CYREN: variants seen among roughly 807,000 people sequenced by gnomAD.
CYREN encodes cell cycle regulator of NHEJ, also known as cell cycle regulator of non-homologous end joining.
CYREN carries 7 observed loss-of-function variants against 9.7 expected under a neutral mutation model. The observed-to-expected ratio is 0.72, with a 90% CI of 0.41 to 1.36. CYREN has a LOEUF of 1.36. CYREN is among the 40% of genes most tolerant of loss of function. The pLI is 0.01. For missense variants in CYREN, 215 were observed against 198.1 expected, an observed-to-expected ratio of 1.09 and a Z score of -0.51; for synonymous variants, 76 against 77.9, an observed-to-expected ratio of 0.98 and a Z score of 0.13.
In CYREN at chr7:135,151,315, C is replaced by A. The variant is rs1252018130; in HGVS notation, n.356+17434G>T. On this transcript the variant is annotated intron_variant and non_coding_transcript_variant, in intron 2 of 2. Coordinates refer to the CYREN transcript ENST00000459937. This position sits in a 1 kb window ranked among gnomAD's most constrained non-coding sequence, Gnocchi z 4.3. ...ATTAGAACCTGGACTCATGTTTCTA[C>A]CAAAGGAAATATGACACATTTCCCT... Among the ~76,000 whole-genome samples the A allele has an allele frequency of 2.0e-5, 3 of 152,188 alleles. No homozygotes were observed. Among genetic ancestry groups the A allele is most frequent in the African/African-American group, 7.2e-5 (3 of 41,446 alleles).
chr7:135,166,562 G>A lies in CYREN; in HGVS notation c.*49C>T. 1.3e-6 allele frequency: 2 copies of A among 1,527,122 alleles called. No homozygotes were observed. The highest frequency in any genetic ancestry group is 1.8e-6 in the Non-Finnish European group (2 of 1,139,346). The allele number at this position is 1,527,122 out of a possible 1,614,324, so 94.6% of individuals were successfully genotyped here. A position where few individuals can be genotyped will look rare whatever the true frequency, so the allele number is the denominator to read the frequency against. ...GCCCAGCAGCACCAGTGGAAGCTCA[G>A]CTGTCCTCCAGCTGCTCTCGGCAGA... On this transcript the variant is annotated 3_prime_UTR_variant, in exon 4 of 4. Coordinates refer to ENST00000393114, the MANE Select transcript of CYREN (RefSeq NM_024033.4).
chr7:135,146,414 GAC>G (rs1197451163), intron 2 of CYREN, among the ~76,000 whole-genome samples: 1 of 152,100 alleles, frequency 6.6e-6, no homozygotes, highest in Admixed American at 6.6e-5. Context: ...ACCAAAATGT[GAC>G]ACAGAGACAT....
chr7:135,095,224 G>T (rs1822485717), intron 2 of CYREN, among the ~76,000 whole-genome samples: 1 of 152,126 alleles, frequency 6.6e-6, no homozygotes, highest in South Asian at 2.1e-4. Context: ...TAAGGTCATA[G>T]CCCAGGAACA....
chr7:135,167,537 A>G (rs1286866990), intron 3 of CYREN, 195 bp downstream of exon 3: 2 of 1,426,202 alleles, frequency 1.4e-6, no homozygotes, highest in Admixed American at 2.9e-5. Flanking sequence ...TTCTAGCCTC[A>G]AAGACACCCC....
intron 2 of CYREN, among the ~76,000 whole-genome samples, chr7:135,105,200 G>T (rs573065910): frequency 6.6e-6 from 1 of 151,112 alleles, no homozygotes; most frequent in Non-Finnish European, 1.5e-5. Context: ...CTCCCCAGTC[G>T]CTGGGATTAC....
In CYREN at chr7:135,132,818, C is replaced by A. The variant is rs576779869; in HGVS notation, n.356+35931G>T. On this transcript the variant is annotated intron_variant and non_coding_transcript_variant, in intron 2 of 2. Coordinates refer to the CYREN transcript ENST00000459937. ...TCCCCAGCCATGTGGAACTGTGAGTCAATTAAACCTTTTTCCTTTATAAAT... is the reference window on the plus strand; with the variant it reads ...TCCCCAGCCATGTGGAACTGTGAGTAAATTAAACCTTTTTCCTTTATAAAT... 1.6e-3 allele frequency among the ~76,000 whole-genome samples: 250 copies of A among 152,218 alleles called. 2 individuals carry two copies. Among genetic ancestry groups the A allele is most frequent in the African/African-American group, 5.9e-3 (247 of 41,528 alleles).
intron 2 of CYREN, chr7:135,134,744 T>C: frequency 8.5e-7 from 1 of 1,177,914 alleles, no homozygotes. Flanking sequence ...ATGAACTTAC[T>C]AAAAGGAAAA....
intron 2 of CYREN, among the ~76,000 whole-genome samples, chr7:135,158,353 A>G (rs997056028): frequency 2.6e-5 from 4 of 152,242 alleles, no homozygotes; most frequent in African/African-American, 9.6e-5. Context: ...CACCAGCCCA[A>G]TCTCAGTTCC....
chr7:135,164,168 T>C (rs1174392515), downstream of CYREN, among the ~76,000 whole-genome samples: 1 of 152,260 alleles, frequency 6.6e-6, no homozygotes, highest in Non-Finnish European at 1.5e-5. Flanking sequence ...CAGTTTAAGA[T>C]GTTTCACACT....
chr7:135,103,330 C>G (rs986430202), intron 2 of CYREN, among the ~76,000 whole-genome samples: 8 of 152,106 alleles, frequency 5.3e-5, no homozygotes, highest in African/African-American at 1.9e-4. Flanking sequence ...ATACTAGTCT[C>G]TCTATATTCG....
chr7:135,141,345 A>C (rs1372045130), intron 2 of CYREN, among the ~76,000 whole-genome samples: 2 of 152,152 alleles, frequency 1.3e-5, no homozygotes, highest in Non-Finnish European at 2.9e-5. Flanking sequence ...GTATGCATAC[A>C]GTCATTCATA....
At chr7:135,095,126 C>T (rs530879220) in intron 2 of CYREN, among the ~76,000 whole-genome samples, 11 of 152,220 alleles carry the variant, frequency 7.2e-5, no homozygotes, top group East Asian at 1.9e-4. Flanking sequence ...ATCCTATTTT[C>T]GGGGAGGGAT....
rs940103771 is a variant in CYREN, at chr7:135,151,057, G to C, written n.356+17692C>G. The stretch of plus-strand genomic sequence containing the variant: ...CAGCTATCTCAATGGCTTGTCATCT[G>C]GGTGCCTGGACTCATGCTTCTGACT... On this transcript the variant is annotated intron_variant and non_coding_transcript_variant, in intron 2 of 2. Coordinates refer to the CYREN transcript ENST00000459937. The surrounding 1 kb of genome is among the most constrained non-coding windows in gnomAD (Gnocchi z 4.3). Among the ~76,000 whole-genome samples the C allele has an allele frequency of 1.3e-5, 2 of 152,152 alleles. No individual in the cohort carries two copies. The highest frequency in any genetic ancestry group is 4.8e-5 in the African/African-American group (2 of 41,424).
chr7:135,118,162 CT>C (rs1475507816), intron 2 of CYREN, among the ~76,000 whole-genome samples: 1 of 152,034 alleles, frequency 6.6e-6, no homozygotes, highest in Non-Finnish European at 1.5e-5. Flanking sequence ...CTACCTTATG[CT>C]TTTTTTAATT....
chr7:135,168,201 G>A, intron 2 of CYREN: 2 of 222,966 alleles, frequency 9.0e-6, no homozygotes, highest in South Asian at 5.5e-5. Context: ...AAGGCTGTCA[G>A]TCAGGAAACC....
At chr7:135,102,524 G>C (rs1234370865) in intron 2 of CYREN, among the ~76,000 whole-genome samples, 1 of 151,962 alleles carries the variant, frequency 6.6e-6, no homozygotes, top group East Asian at 1.9e-4. Flanking sequence ...CATGTTCTCA[G>C]TATTATGTGG....
intron 2 of CYREN, among the ~76,000 whole-genome samples, chr7:135,112,390 T>A (rs1248194732): frequency 2.0e-5 from 3 of 152,210 alleles, no homozygotes; most frequent in Non-Finnish European, 2.9e-5. Context: ...TCTCAGAGGA[T>A]CTCAAAAGTG....
chr7:135,111,055 A>G (rs1825567410), intron 2 of CYREN, among the ~76,000 whole-genome samples: 1 of 152,138 alleles, frequency 6.6e-6, no homozygotes. Flanking sequence ...TCTCCTACCT[A>G]ACATCTCCCC....
At chr7:135,118,838 A>G (rs1017638485) in intron 2 of CYREN, among the ~76,000 whole-genome samples, 3 of 152,210 alleles carry the variant, frequency 2.0e-5, no homozygotes, top group Admixed American at 2.0e-4. Context: ...AGAACCAAAT[A>G]GAAATTTTTG....
Sources: gnomAD v4.1 joint callset for allele counts (sites outside exome capture counted in the v4.1 genomes callset) on GRCh38, gnomAD v4.1.1 for gene constraint, Gnocchi (gnomAD v3.1) non-coding constraint, MANE v1.5 for transcripts, NCBI Gene and HGNC (gene_info 2026-07-23, HGNC 2026-07-21) for gene names.